The following GRIA1 variants were observed in gnomAD, a reference collection of about 807,000 sequenced individuals.
The protein encoded by GRIA1 is glutamate receptor 1.
A neutral mutation model predicts 99.2 loss-of-function variants in GRIA1; 31 were observed. That is an observed-to-expected ratio of 0.31 (90% CI 0.23 to 0.42). The LOEUF is 0.42. Ranked by LOEUF, GRIA1 falls within the 10% of genes least tolerant of loss-of-function variation. The pLI is 1.00. For missense variants in GRIA1, 782 were observed against 1,157.5 expected, an observed-to-expected ratio of 0.68 and a Z score of 4.71; for synonymous variants, 438 against 432.4, an observed-to-expected ratio of 1.01 and a Z score of -0.16.
Position 153,676,987 on chromosome 5 carries a change from C to A in GRIA1, c.862-7C>A. ...TGATACCTAACTGTCTCCATTCCTC[C>A]CACTAGTACACCTCTGCGCTCACCT... is the stretch of plus-strand genomic sequence containing the variant. On this transcript the variant is annotated splice_region_variant and splice_polypyrimidine_tract_variant and intron_variant, in intron 6 of 15. Transcript: ENST00000285900. 1.4e-6 allele frequency: 2 copies of A among 1,394,384 alleles called. No individual in the cohort carries two copies. The highest frequency in any genetic ancestry group is 1.9e-6 in the Non-Finnish European group (2 of 1,061,534). 86.4% of individuals were successfully genotyped at this position (1,394,384 alleles called of 1,614,324 possible).
intron 9 of GRIA1, 41 bp from the exon 10 acceptor site, chr5:153,698,826 C>A: frequency 7.5e-7 from 1 of 1,340,908 alleles, no homozygotes; most frequent in African/African-American, 1.4e-5. Flanking sequence ...CATGGGTGAA[C>A]CCATAACCCA....
intron 2 of GRIA1, among the ~76,000 whole-genome samples, chr5:153,552,633 C>A (rs922075062): frequency 1.3e-5 from 2 of 151,894 alleles, no homozygotes; most frequent in African/African-American, 4.8e-5. Context: ...TTCCAGTATA[C>A]AGATCAGTTC....
At chr5:153,758,787 C>G (rs961332806) in intron 11 of GRIA1, among the ~76,000 whole-genome samples, 2 of 151,890 alleles carry the variant, frequency 1.3e-5, no homozygotes, top group African/African-American at 4.8e-5. Flanking sequence ...GAACATAGAA[C>G]AGTCTACAGC....
At chr5:153,562,892 T>G (rs1761261006) in intron 2 of GRIA1, among the ~76,000 whole-genome samples, 1 of 152,170 alleles carries the variant, frequency 6.6e-6, no homozygotes, top group African/African-American at 2.4e-5. Flanking sequence ...GAAATCCTGC[T>G]TGCGGCCAGG....
At chr5:153,607,277 C>G (rs1765543279) in intron 2 of GRIA1, among the ~76,000 whole-genome samples, 1 of 151,688 alleles carries the variant, frequency 6.6e-6, no homozygotes, top group South Asian at 2.1e-4. Context: ...TATTTTCTCT[C>G]AAATTATTGA....
intron 7 of GRIA1, among the ~76,000 whole-genome samples, chr5:153,679,289 T>TAAACAAAC (rs199925319): frequency 4.5e-4 from 68 of 151,956 alleles, no homozygotes; most frequent in African/African-American, 1.5e-3. Context: ...AATAAATAAA[T>TAAACAAAC]AAACAAACAA....
intron 8 of GRIA1, among the ~76,000 whole-genome samples, chr5:153,689,871 A>G (rs1246404263): frequency 1.3e-5 from 2 of 152,160 alleles, no homozygotes; most frequent in African/African-American, 4.8e-5. Flanking sequence ...TTGGTATGAA[A>G]TTCCCCAGTT....
intron 2 of GRIA1, among the ~76,000 whole-genome samples, chr5:153,567,399 C>A (rs1260637160): frequency 2.0e-5 from 3 of 152,156 alleles, no homozygotes; most frequent in African/African-American, 7.2e-5. Context: ...GGGGAGGCAG[C>A]TTTAGGTAGA....
rs74625478 is a variant in GRIA1, at chr5:153,625,246, G to A, written c.221-21682G>A. Among the ~76,000 whole-genome samples, 456 of 152,298 alleles carry A rather than the reference G, an allele frequency of 3.0e-3. 3 individuals carry two copies. The highest frequency in any genetic ancestry group is 0.01 in the African/African-American group (434 of 41,566). ...CATAGCCCAGGAATGCTGGTTGTGA[G>A]GAGATTTGATTTCTACTCCTACTTC... is the stretch of plus-strand genomic sequence containing the variant. On this transcript the variant is annotated intron_variant, in intron 2 of 15. Coordinates refer to ENST00000285900, the MANE Select transcript of GRIA1 (RefSeq NM_000827.4).
At chr5:153,729,730 C>G (rs1035516245) in intron 11 of GRIA1, among the ~76,000 whole-genome samples, 1 of 152,006 alleles carries the variant, frequency 6.6e-6, no homozygotes, top group Non-Finnish European at 1.5e-5. Flanking sequence ...AGACAAAAAC[C>G]CCCACACTCA....
chr5:153,632,970 T>C (rs1307967564), intron 2 of GRIA1, among the ~76,000 whole-genome samples: 5 of 152,154 alleles, frequency 3.3e-5, no homozygotes, highest in African/African-American at 1.2e-4. Flanking sequence ...GTGTAGAAGT[T>C]TTCCAGGTAT....
intron 2 of GRIA1, among the ~76,000 whole-genome samples, chr5:153,622,705 T>C (rs1328071371): frequency 6.6e-6 from 1 of 152,194 alleles, no homozygotes; most frequent in Non-Finnish European, 1.5e-5. Context: ...ACTACCACTA[T>C]TTTAAGTGAT....
Position 153,490,904 on chromosome 5 carries a change from G to A in GRIA1, c.16G>A (p.Ala6Thr), listed in dbSNP as rs1458884092. The change falls in exon 1 of 16, where the codon GCC becomes ACC. Residue 6 changes from alanine (A) to threonine (T), a missense_variant. This residue lies in a region of GRIA1 where 461 missense variants were observed against 521.7 expected (regional missense o/e 0.88). Transcript: ENST00000285900. ...AAAAAGGAATATGCAGCACATTTTT[G>A]CCTTCTTCTGCACCGGTTTCCTAGG... MQHIF[A>T]FFCTGFLGAV... The A allele has an allele frequency of 3.1e-6, 5 of 1,613,894 alleles. No individual in the cohort carries two copies. Among genetic ancestry groups the A allele is most frequent in the Admixed American group, 1.7e-5 (1 of 59,998 alleles).
In GRIA1 at chr5:153,805,303, A is replaced by G. The variant is rs1766353850; in HGVS notation, c.2520+2813A>G. On this transcript the variant is annotated intron_variant, in intron 15 of 15. Transcript: ENST00000285900. ...ACATGAGCTAGGGTTCTTAAGCTATATAGATTGTGAGTTCCTTAAGGTAAG... is the reference window on the plus strand; with the variant it reads ...ACATGAGCTAGGGTTCTTAAGCTATGTAGATTGTGAGTTCCTTAAGGTAAG... Among the ~76,000 whole-genome samples, 3 of 152,126 alleles carry G rather than the reference A, an allele frequency of 2.0e-5. No homozygotes were observed. In the South Asian group the frequency reaches 6.2e-4, roughly 32 times the overall value.
intron 2 of GRIA1, among the ~76,000 whole-genome samples, chr5:153,520,723 T>C (rs561072714): frequency 6.6e-6 from 1 of 152,280 alleles, no homozygotes; most frequent in African/African-American, 2.4e-5. Context: ...TGCTTCCTTC[T>C]CCATGAAATA....
intron 2 of GRIA1, among the ~76,000 whole-genome samples, chr5:153,536,160 G>C (rs1013285715): frequency 2.0e-5 from 3 of 152,076 alleles, no homozygotes; most frequent in Non-Finnish European, 2.9e-5. Context: ...ACAAATTCTT[G>C]TCTGTGTTCT....
chr5:153,597,666 G>A (rs1764544219), intron 2 of GRIA1, among the ~76,000 whole-genome samples: 1 of 152,166 alleles, frequency 6.6e-6, no homozygotes, highest in Admixed American at 6.5e-5. Flanking sequence ...ATTTCTGAGT[G>A]CCAAAGGAAA....
intron 11 of GRIA1, among the ~76,000 whole-genome samples, chr5:153,724,871 C>G (rs1387633259): frequency 2.6e-5 from 4 of 152,086 alleles, no homozygotes; most frequent in Admixed American, 1.3e-4. Context: ...GGCAGGCCAA[C>G]ATTCAGATTC....
At chr5:153,607,809 C>T (rs1319409050) in intron 2 of GRIA1, among the ~76,000 whole-genome samples, 1 of 151,956 alleles carries the variant, frequency 6.6e-6, no homozygotes, top group Non-Finnish European at 1.5e-5. Flanking sequence ...GTTGTTGCTG[C>T]TCTTTTATTC....
Sources: allele counts gnomAD v4.1 joint callset (sites outside exome capture counted in the v4.1 genomes callset), GRCh38; gene constraint gnomAD v4.1.1; regional missense constraint gnomAD v4.1.1; transcripts MANE v1.5; gene names NCBI Gene and HGNC (gene_info 2026-07-23, HGNC 2026-07-21).